MIX23: variants seen among roughly 807,000 people sequenced by gnomAD.
MIX23 encodes the protein mitochondrial matrix import factor 23, also known as protein MIX23.
Under a neutral mutation model 21.6 loss-of-function variants are expected in MIX23, and 13 were observed. The ratio of observed to expected loss-of-function variants is 0.60; its 90% CI spans 0.39 to 0.96. MIX23 has a LOEUF of 0.96. Ranked by LOEUF, MIX23 falls within the 40% of genes least tolerant of loss-of-function variation. MIX23 has a pLI of 0.00. For synonymous variants in MIX23, 59 were observed against 58.0 expected, an observed-to-expected ratio of 1.02 and a Z score of -0.08; for missense variants, 144 against 171.2, an observed-to-expected ratio of 0.84 and a Z score of 0.89.
At chr3:122,377,562 T>C (rs1489216618) in intron 1 of MIX23, among the ~76,000 whole-genome samples, 1 of 152,222 alleles carries the variant, frequency 6.6e-6, no homozygotes, top group African/African-American at 2.4e-5. Flanking sequence ...TCAAGAATTA[T>C]ATGGGGCCAG....
intron 1 of MIX23, among the ~76,000 whole-genome samples, chr3:122,380,695 G>A (rs1387541201): frequency 3.3e-5 from 5 of 152,092 alleles, no homozygotes; most frequent in African/African-American, 7.2e-5. Context: ...TTTATATCTA[G>A]TCATATGAAC....
chr3:122,369,883 G>T (rs1393629447), intron 2 of MIX23, among the ~76,000 whole-genome samples: 4 of 152,136 alleles, frequency 2.6e-5, no homozygotes, highest in Non-Finnish European at 5.9e-5. Context: ...CCAGGTAGCT[G>T]GGACTATAGG....
At chr3:122,382,955 G>A (rs1473429531) in intron 1 of MIX23, among the ~76,000 whole-genome samples, 3 of 152,208 alleles carry the variant, frequency 2.0e-5, no homozygotes, top group Non-Finnish European at 4.4e-5. Flanking sequence ...AGGCCGGAGA[G>A]CCGCGGAGAG....
rs554930558 is a variant in MIX23, at chr3:122,370,317, C to T, written c.177+1358G>A. On this transcript the variant is annotated intron_variant, in intron 2 of 4. Transcript: ENST00000291458. ...AAAAATACAAAAAAAATCAGCCAGG[C>T]ATGGTAGCGTGTGCCTGTAGTCCCA... Among the ~76,000 whole-genome samples, 12 of 152,006 alleles carry T rather than the reference C, an allele frequency of 7.9e-5. No individual in the cohort carries two copies. In the South Asian group the frequency reaches 1.7e-3, roughly 21 times the overall value.
rs879005909 is a variant in MIX23 at position 122,359,628 on chromosome 3, ATT to A, written c.*239_*240del. 5.5e-3 allele frequency: 1,315 copies of A among 237,562 alleles called. No individual in the cohort carries two copies. The highest frequency in any genetic ancestry group is 7.5e-3 in the Middle Eastern group (6 of 804). The allele number at this position is 237,562 out of a possible 1,614,324, so 14.7% of individuals were successfully genotyped here. A position where few individuals can be genotyped will look rare whatever the true frequency, so the allele number is the denominator to read the frequency against. On this transcript the variant is annotated 3_prime_UTR_variant, in exon 5 of 5. Coordinates refer to ENST00000291458, the MANE Select transcript of MIX23 (RefSeq NM_001017928.4). ...GAAAATTATTTTAATAGTTACAAAA[ATT>A]TTTTTTTTTTTTTTTTACAGAATCA...
chr3:122,375,016 C>T (rs1238279795), intron 1 of MIX23, among the ~76,000 whole-genome samples: 1 of 152,028 alleles, frequency 6.6e-6, no homozygotes, highest in Non-Finnish European at 1.5e-5. Flanking sequence ...GTAATCCCAG[C>T]AATTTGAGAG....
At position 122,359,854 on chromosome 3, in the gene MIX23, AAAAAG is replaced by A; in HGVS notation, c.*10_*14del. ...TTAAAAAAAAAAAAAAAAAAAAAAA[AAAAAG>A]AATCTCTCTTTATTCATTCTTTGGA... is the stretch of plus-strand genomic sequence containing the variant. On this transcript the variant is annotated 3_prime_UTR_variant, in exon 5 of 5. Transcript: ENST00000291458. 1.4e-6 allele frequency: 2 copies of A among 1,433,542 alleles called. No homozygotes were observed. Among genetic ancestry groups the A allele is most frequent in the African/African-American group, 1.5e-5 (1 of 66,702 alleles). The allele number at this position is 1,433,542 out of a possible 1,614,324, so 88.8% of individuals were successfully genotyped here.
chr3:122,360,894 A>AG (rs1164004823), intron 4 of MIX23, among the ~76,000 whole-genome samples: 1 of 152,094 alleles, frequency 6.6e-6, no homozygotes, highest in African/African-American at 2.4e-5. Flanking sequence ...CCCAGGCTGG[A>AG]GTGCAATGGC....
chr3:122,375,310 C>T (rs1236024928), intron 1 of MIX23, among the ~76,000 whole-genome samples: 3 of 151,992 alleles, frequency 2.0e-5, no homozygotes, highest in African/African-American at 7.3e-5. Context: ...TATGGAAGTG[C>T]CATTAACTTA....
At chr3:122,369,075 C>A (rs1460264298) in intron 2 of MIX23, among the ~76,000 whole-genome samples, 1 of 152,184 alleles carries the variant, frequency 6.6e-6, no homozygotes, top group East Asian at 1.9e-4. Context: ...TTCAAACATA[C>A]TTCCATAATC....
At chr3:122,374,590 A>C (rs1312542965) in intron 1 of MIX23, among the ~76,000 whole-genome samples, 1 of 152,206 alleles carries the variant, frequency 6.6e-6, no homozygotes, top group Non-Finnish European at 1.5e-5. Flanking sequence ...GTATGGATGC[A>C]ACTTTTTTTT....
chr3:122,362,542 C>G (rs1452441155), intron 4 of MIX23, among the ~76,000 whole-genome samples: 1 of 151,454 alleles, frequency 6.6e-6, no homozygotes, highest in Non-Finnish European at 1.5e-5. Context: ...AGTGCAATGG[C>G]TTGATCTCAG....
chr3:122,379,839 CT>C (rs2075516701), intron 1 of MIX23, among the ~76,000 whole-genome samples: 1 of 152,182 alleles, frequency 6.6e-6, no homozygotes, highest in African/African-American at 2.4e-5. Context: ...TTTCATCCTC[CT>C]CAAAACAAGA....
chr3:122,372,972 C>A, intron 1 of MIX23: 1 of 412,822 alleles, frequency 2.4e-6, no homozygotes, highest in Non-Finnish European at 4.9e-6. Context: ...ATATACTATG[C>A]TACTTCTTAC....
intron 1 of MIX23, among the ~76,000 whole-genome samples, chr3:122,372,395 G>A (rs541244399): frequency 3.4e-4 from 51 of 152,120 alleles, no homozygotes; most frequent in Non-Finnish European, 4.7e-4. Flanking sequence ...GCTACATCTC[G>A]TCTTCAGTTA....
At chr3:122,376,531 A>G (rs922968153) in intron 1 of MIX23, among the ~76,000 whole-genome samples, 2 of 152,156 alleles carry the variant, frequency 1.3e-5, no homozygotes, top group Non-Finnish European at 2.9e-5. Flanking sequence ...AGGCAGGAGA[A>G]TAGCTTGAAC....
At chr3:122,367,566 T>C (rs1191611907) in intron 3 of MIX23, among the ~76,000 whole-genome samples, 2 of 152,092 alleles carry the variant, frequency 1.3e-5, no homozygotes, top group African/African-American at 2.4e-5. Flanking sequence ...ACTGCAGGGA[T>C]AGGGGAGGAA....
rs749312587 is a variant in MIX23, at chr3:122,359,885, G to A, written c.419C>T (p.Pro140Leu). 3.3e-6 allele frequency: 5 copies of A among 1,526,270 alleles called. No individual in the cohort carries two copies. The Admixed American group carries it at 8.2e-5, about 25-fold the overall frequency. The allele number at this position is 1,526,270 out of a possible 1,614,324, so 94.5% of individuals were successfully genotyped here. The change falls in exon 5 of 5, where the codon CCT becomes CTT. Residue 140 changes from proline to leucine, a missense_variant. By Grantham distance (98) the Pro-to-Leu change is moderately conservative. Coordinates refer to ENST00000291458, the MANE Select transcript of MIX23 (RefSeq NM_001017928.4). ...FNERCRIHFK[P>L]PKNE ...AATCTCTCTTTATTCATTCTTTGGA[G>A]GCTTGAAGTGAATTCGGCAGCGTTC...
chr3:122,383,066 G>C lies in MIX23; in HGVS notation c.51+108C>G. 3 of 1,447,832 alleles carry C rather than the reference G, an allele frequency of 2.1e-6. No individual in the cohort carries two copies. The East Asian group carries it at 6.8e-5, about 33-fold the overall frequency. 89.7% of individuals were successfully genotyped at this position (1,447,832 alleles called of 1,614,324 possible). A position where few individuals can be genotyped will look rare whatever the true frequency, so the allele number is the denominator to read the frequency against. On this transcript the variant is annotated intron_variant, in intron 1 of 4. Transcript: ENST00000291458. ...TCCAATGGCTCGAGAAAAGAGCTTT[G>C]AATTGCCCGCTTTTTCCAAAGCTGG...
Sources: allele counts gnomAD v4.1 joint callset (sites outside exome capture counted in the v4.1 genomes callset), GRCh38; gene constraint gnomAD v4.1.1; transcripts MANE v1.5; gene names NCBI Gene and HGNC (gene_info 2026-07-23, HGNC 2026-07-21).